Variants in USH1C observed in about 807,000 individuals in gnomAD.
USH1C encodes the protein USH1 protein network component harmonin.
A neutral mutation model predicts 119.3 loss-of-function variants in USH1C; 90 were observed. The ratio of observed to expected loss-of-function variants is 0.75; its 90% CI spans 0.64 to 0.90. The LOEUF (loss-of-function observed/expected upper bound fraction) is 0.90. USH1C is among the 40% of genes least tolerant of loss of function. The pLI, the probability that USH1C is intolerant of heterozygous loss-of-function variation, is 0.00. For missense variants in USH1C, 1,165 were observed against 1,167.7 expected (o/e 1.00, Z 0.03); for synonymous variants, 465 against 443.3 (o/e 1.05, Z -0.62).
intron 20 of USH1C, among the ~76,000 whole-genome samples, chr11:17,502,499 A>G (rs1006198382): frequency 6.6e-6 from 1 of 152,238 alleles, no homozygotes; most frequent in African/African-American, 2.4e-5. Flanking sequence ...CCCACGGACA[A>G]CAAGAAGAAA....
At chr11:17,537,408 T>A (rs746999056) in intron 1 of USH1C, among the ~76,000 whole-genome samples, 7 of 152,168 alleles carry the variant, frequency 4.6e-5, no homozygotes, top group Non-Finnish European at 8.8e-5. Flanking sequence ...CATTTCCCTG[T>A]GGAACCCAGA....
rs397517874 is a variant in USH1C, at chr11:17,501,974, G to A, written c.2191C>T (p.Arg731Trp). ...GGGTCAAAGCCTTCCTCATATTTCC[G>A]GAAATCCTGGAAGCAAAGGGAGGGC... ...VYQTAFRQDF[R>W]KYEEGFDPYS... The change falls in exon 21 of 27, where the codon CGG (arginine) becomes TGG (tryptophan). Residue 731 changes from arginine to tryptophan, a missense_variant. Transcript: ENST00000005226. 63 of 1,613,670 alleles carry A rather than the reference G, an allele frequency of 3.9e-5. No individual in the cohort carries two copies. The East Asian group carries it at 4.2e-4, about 11-fold the overall frequency.
rs1850196321 is a variant in USH1C, at chr11:17,517,323, T to A, written c.1211-1033A>T. On this transcript the variant is annotated intron_variant, in intron 14 of 26. Coordinates refer to ENST00000005226, the MANE Select transcript of USH1C (RefSeq NM_153676.4). ...CACATGCTGGGCCCCTGAAGCTGGGTGTCTGCACTGCGGTCAGGAGGAGGC... is the reference window on the plus strand; with the variant it reads ...CACATGCTGGGCCCCTGAAGCTGGGAGTCTGCACTGCGGTCAGGAGGAGGC... 2.1e-6 allele frequency: 3 copies of A among 1,425,804 alleles called. No individual in the cohort carries two copies. In the East Asian group the frequency reaches 7.4e-5, roughly 35 times the overall value. 88.3% of individuals were successfully genotyped at this position (1,425,804 alleles called of 1,614,324 possible).
Position 17,531,373 on chromosome 11 carries a change from C to T in USH1C, c.248+26G>A, listed in dbSNP as rs1850967973. Reference sequence around the variant, plus strand: ...CCAGGGTGATCTCTCCACCCCCTGCCTCCAGCCTGGTGGCTTCCTCTGCAC... The same window carrying T: ...CCAGGGTGATCTCTCCACCCCCTGCTTCCAGCCTGGTGGCTTCCTCTGCAC... On this transcript the variant is annotated intron_variant, in intron 3 of 26. Transcript: ENST00000005226. The surrounding 1 kb of genome is among the most constrained non-coding windows in gnomAD (Gnocchi z 4.2). 2 of 1,613,770 alleles carry T rather than the reference C, an allele frequency of 1.2e-6. No individual in the cohort carries two copies. The highest frequency in any genetic ancestry group is 1.7e-6 in the Non-Finnish European group (2 of 1,179,834).
intron 19 of USH1C, among the ~76,000 whole-genome samples, chr11:17,505,561 G>A (rs1047064391): frequency 2.0e-5 from 3 of 152,224 alleles, no homozygotes; most frequent in African/African-American, 7.2e-5. Context: ...TATATAGTAG[G>A]CTCTTCACAG....
chr11:17,505,853 G>C lies in USH1C; in HGVS notation c.2110C>G (p.Pro704Ala). The C allele has an allele frequency of 6.2e-7, 1 of 1,614,158 alleles. No homozygotes were observed. The highest frequency in any genetic ancestry group is 1.1e-5 in the South Asian group (1 of 91,074). Residue 704 changes from proline (P) to alanine (A), a missense_variant, in exon 19 of 27, where the codon CCA becomes GCA. Pro to Ala is a conservative substitution (Grantham distance 27, BLOSUM62 -1). Coordinates refer to ENST00000005226, the MANE Select transcript of USH1C (RefSeq NM_153676.4). ...ACCAGAACTTCAGATTTCACAGCTGGCCTGTAGATGAAATTGGGCTCCTGG... is the reference window on the plus strand; with the variant it reads ...ACCAGAACTTCAGATTTCACAGCTGCCCTGTAGATGAAATTGGGCTCCTGG... ...VHQEPNFIYR[P>A]AVKSEVLPQE... is the part of the protein sequence containing the mutation.
At chr11:17,542,794 T>G (rs1303373740) in intron 1 of USH1C, among the ~76,000 whole-genome samples, 1 of 152,198 alleles carries the variant, frequency 6.6e-6, no homozygotes, top group Non-Finnish European at 1.5e-5. Context: ...TCACAAAATG[T>G]CCTTAGTGGC....
intron 1 of USH1C, among the ~76,000 whole-genome samples, chr11:17,541,942 T>C (rs7106302): frequency 0.52 from 78,747 of 151,950 alleles, 20,761 homozygotes; most frequent in African/African-American, 0.61. Flanking sequence ...GTCAAGGTCT[T>C]CCTGACAGTG....
chr11:17,495,498 A>G, intron 26 of USH1C, 71 bp downstream of exon 26: 6 of 1,467,068 alleles, frequency 4.1e-6, no homozygotes, highest in Non-Finnish European at 5.7e-6. Flanking sequence ...ACCTGCTGAC[A>G]GCGTGGGCAG....
chr11:17,509,457 C>T lies in USH1C; in HGVS notation c.1912G>A (p.Gly638Arg), dbSNP rs1396065054. Residue 638 changes from glycine to arginine, a missense_variant, in exon 18 of 27, where the codon GGG becomes AGG. Physicochemically the swap from Gly to Arg is moderately radical, Grantham distance 125 (BLOSUM62 -2). Coordinates refer to ENST00000005226, the MANE Select transcript of USH1C (RefSeq NM_153676.4). ...EALSNHPFRT[G>R]DTGNPVEDWE... ...TCCTCCACTGGATTGCCTGTGTCCC[C>T]AGTGCGGAAGGGATGGTTGCTCAGT... is the stretch of plus-strand genomic sequence containing the variant. The T allele has an allele frequency of 1.2e-6, 2 of 1,611,778 alleles. No homozygotes were observed. Among genetic ancestry groups the T allele is most frequent in the South Asian group, 2.2e-5 (2 of 90,948 alleles).
Position 17,510,395 on chromosome 11 carries a change from G to T in USH1C, c.1530+10C>A. The T allele has an allele frequency of 6.2e-7, 1 of 1,605,212 alleles. No individual in the cohort carries two copies. Among genetic ancestry groups the T allele is most frequent in the Non-Finnish European group, 8.5e-7 (1 of 1,173,850 alleles). Reference sequence around the variant, plus strand: ...CAGGAGGGTCTATGTGGAAAGAAGGGCTCTGTTACCTCTGAAATCTCATTA... The same window carrying T: ...CAGGAGGGTCTATGTGGAAAGAAGGTCTCTGTTACCTCTGAAATCTCATTA... On this transcript the variant is annotated intron_variant, in intron 17 of 26. Coordinates refer to ENST00000005226, the MANE Select transcript of USH1C (RefSeq NM_153676.4).
intron 25 of USH1C, among the ~76,000 whole-genome samples, chr11:17,495,948 G>A (rs1297567898): frequency 6.6e-6 from 1 of 152,068 alleles, no homozygotes; most frequent in Non-Finnish European, 1.5e-5. Context: ...GGCTGGGGAG[G>A]TGATGGGATG....
In USH1C at chr11:17,505,818, C is replaced by T. The variant is rs1235114681; in HGVS notation, c.2133+12G>A. 2.5e-6 allele frequency: 4 copies of T among 1,613,954 alleles called. No homozygotes were observed. The highest frequency in any genetic ancestry group is 3.4e-6 in the Non-Finnish European group (4 of 1,179,878). On this transcript the variant is annotated intron_variant, in intron 19 of 26. Transcript: ENST00000005226. ...CTCTAGAGACAACCTGGAGGGGACCCAAGGGGCTTACCAGAACTTCAGATT... is the reference window on the plus strand; with the variant it reads ...CTCTAGAGACAACCTGGAGGGGACCTAAGGGGCTTACCAGAACTTCAGATT...
At chr11:17,523,382 T>C (rs370817574) in intron 10 of USH1C, 37 bp downstream of exon 10, 74 of 1,613,892 alleles carry the variant, frequency 4.6e-5, no homozygotes, top group Non-Finnish European at 6.0e-5. Context: ...GGTGTGGAGA[T>C]GACAAGGGCC....
In USH1C at chr11:17,496,808, C is replaced by A; in HGVS notation, c.2496G>T (p.Trp832Cys). 1 of 1,614,184 alleles carries A rather than the reference C, an allele frequency of 6.2e-7. No homozygotes were observed. Among genetic ancestry groups the A allele is most frequent in the Non-Finnish European group, 8.5e-7 (1 of 1,180,000 alleles). Residue 832 changes from tryptophan (W) to cysteine (C), a missense_variant, in exon 25 of 27, where the codon TGG becomes TGT. Transcript: ENST00000005226. ...GGCAGACGGCAACCACAAGGTCGAT[C>A]CAGTCCTGTGGGGAGAAGCCGTGTG... ...LQKAWNQGGD[W>C]IDLVVAVCPP... is the part of the protein sequence containing the mutation.
Position 17,520,960 on chromosome 11 carries a change from A to G in USH1C, c.1120T>C (p.Trp374Arg), listed in dbSNP as rs374699745. Residue 374 changes from tryptophan to arginine, a missense_variant, in exon 14 of 27, where the codon TGG becomes CGG. Transcript: ENST00000005226. ...VEEEEKFKKQWEEDWGSKEQL... is the reference protein window; with the variant it reads ...VEEEEKFKKQREEDWGSKEQL... ...TCCTTTGAGCCCCAGTCTTCTTCCC[A>G]TTGCTTCTTAAACTTCTCTTCCTCC... The G allele has an allele frequency of 6.2e-7, 1 of 1,613,974 alleles. No individual in the cohort carries two copies. The highest frequency in any genetic ancestry group is 8.5e-7 in the Non-Finnish European group (1 of 1,179,982).
intron 20 of USH1C, among the ~76,000 whole-genome samples, chr11:17,502,936 C>A (rs992497025): frequency 1.3e-5 from 2 of 152,204 alleles, no homozygotes; most frequent in African/African-American, 4.8e-5. Context: ...CCACAGCATG[C>A]AGGTCCCTAG....
chr11:17,502,846 C>T (rs1041473657), intron 20 of USH1C, among the ~76,000 whole-genome samples: 3 of 152,166 alleles, frequency 2.0e-5, no homozygotes, highest in Admixed American at 1.3e-4. Flanking sequence ...ACAAGGGCAG[C>T]AGAGCCACGG....
chr11:17,512,159 G>GC (rs1849922262), intron 15 of USH1C, 105 bp from the exon 16 acceptor site: 3 of 1,310,944 alleles, frequency 2.3e-6, no homozygotes, highest in Non-Finnish European at 3.3e-6. Flanking sequence ...CCCATGGTGA[G>GC]CCCCTCCCCC....
Sources: gnomAD v4.1 joint callset for allele counts (sites outside exome capture counted in the v4.1 genomes callset) on GRCh38, gnomAD v4.1.1 for gene constraint, Gnocchi (gnomAD v3.1) non-coding constraint, MANE v1.5 for transcripts, NCBI Gene and HGNC (gene_info 2026-07-23, HGNC 2026-07-21) for gene names.